The following PCM1 variants were observed in gnomAD, a reference collection of about 807,000 sequenced individuals.
The protein encoded by PCM1 is pericentriolar material 1.
PCM1 carries 157 observed loss-of-function variants against 241.9 expected under a neutral mutation model. That is an observed-to-expected ratio of 0.65 (90% CI 0.57 to 0.74). PCM1 has a LOEUF of 0.74. Among genes scored for constraint, PCM1 ranks in the 30% least tolerant of loss-of-function variants. PCM1 has a pLI of 0.00. For synonymous variants in PCM1, 1,085 were observed against 784.9 expected, an observed-to-expected ratio of 1.38 and a Z score of -6.39; for missense variants, 3,478 against 2,360.1, an observed-to-expected ratio of 1.47 and a Z score of -9.81.
chr8:18,023,481 C>G (rs534250910), intron 36 of PCM1, among the ~76,000 whole-genome samples: 3 of 152,276 alleles, frequency 2.0e-5, no homozygotes, highest in South Asian at 4.1e-4. Context: ...GCAATACAAT[C>G]TGAGATGAGT....
At chr8:18,012,638 A>G (rs2092670941) in intron 34 of PCM1, among the ~76,000 whole-genome samples, 1 of 151,940 alleles carries the variant, frequency 6.6e-6, no homozygotes, top group Non-Finnish European at 1.5e-5. Context: ...GTCTTTTTTC[A>G]TTATTTGCAG....
chr8:17,935,087 A>G lies in PCM1; in HGVS notation c.-22-502A>G, dbSNP rs571480150. On this transcript the variant is annotated intron_variant, in intron 2 of 38. Coordinates refer to ENST00000325083, the MANE Select transcript of PCM1 (RefSeq NM_006197.4). ...TTCCCTACCTTCTTATCATCTTGCT[A>G]TTGTACCTTCCTGTTAAAACCAAAA... 4.6e-5 allele frequency among the ~76,000 whole-genome samples: 7 copies of G among 152,246 alleles called. 1 individual carries two copies. The highest frequency in any genetic ancestry group is 2.0e-4 in the Admixed American group (3 of 15,292).
At chr8:18,021,000 T>C (rs2129487935) in intron 36 of PCM1, among the ~76,000 whole-genome samples, 1 of 152,338 alleles carries the variant, frequency 6.6e-6, no homozygotes, top group Middle Eastern at 3.4e-3. Flanking sequence ...GAAATGCATG[T>C]GTGGACTTTT....
chr8:18,013,746 TACTG>T, intron 34 of PCM1: 1 of 486,980 alleles, frequency 2.1e-6, no homozygotes. Context: ...AGTTGTATTA[TACTG>T]TGTGTGTGTG....
chr8:18,029,766 A>C lies in PCM1; in HGVS notation c.*2104A>C, dbSNP rs937096138. The C allele has an allele frequency of 5.1e-6, 1 of 195,438 alleles. No individual in the cohort carries two copies. The highest frequency in any genetic ancestry group is 1.9e-4 in the South Asian group (1 of 5,194). The allele number at this position is 195,438 out of a possible 1,614,324, so 12.1% of individuals were successfully genotyped here. A position where few individuals can be genotyped will look rare whatever the true frequency, so the allele number is the denominator to read the frequency against. On this transcript the variant is annotated 3_prime_UTR_variant, in exon 39 of 39. Transcript: ENST00000325083. ...TATTTGTCCTAATTTTGAAGTTAAA[A>C]ATTTTGGTTACAGATAGATAGAGGG...
chr8:17,950,366 C>T (rs774562283), intron 7 of PCM1, among the ~76,000 whole-genome samples: 3 of 152,220 alleles, frequency 2.0e-5, no homozygotes, highest in Admixed American at 6.5e-5. Flanking sequence ...TAATAGTAAC[C>T]CTCCTTGTAT....
chr8:17,967,867 G>GT (rs1200729023), intron 21 of PCM1, among the ~76,000 whole-genome samples: 1 of 152,046 alleles, frequency 6.6e-6, no homozygotes, highest in Non-Finnish European at 1.5e-5. Context: ...TCTTTGGATG[G>GT]TTTTTTCTGC....
intron 16 of PCM1, 48 bp downstream of exon 16, chr8:17,962,222 CT>C (rs548365642): frequency 1.0e-4 from 142 of 1,408,572 alleles, no homozygotes; most frequent in South Asian, 3.2e-4. Flanking sequence ...TTTTGTTTTC[CT>C]TTTTTTTTCT....
Position 17,955,673 on chromosome 8 carries a change from T to G in PCM1, c.1472+20T>G. Reference sequence around the variant, plus strand: ...ACTCCAGTAAAACATTTATAATCATTGTTTACATGAAGTTAAATAATAGGG... The same window carrying G: ...ACTCCAGTAAAACATTTATAATCATGGTTTACATGAAGTTAAATAATAGGG... On this transcript the variant is annotated intron_variant, in intron 10 of 38. Transcript: ENST00000325083. The G allele has an allele frequency of 6.3e-7, 1 of 1,581,834 alleles. No homozygotes were observed. The highest frequency in any genetic ancestry group is 1.3e-5 in the African/African-American group (1 of 74,388).
chr8:18,027,382 A>G lies in PCM1; in HGVS notation c.6050-255A>G, dbSNP rs116360913. ...TGTTGGTGTAGATTTATTCTATTCT[A>G]TAGTTGTTTTCTTTTCATAGTGGAG... On this transcript the variant is annotated intron_variant, in intron 38 of 38. Coordinates refer to ENST00000325083, the MANE Select transcript of PCM1 (RefSeq NM_006197.4). 7.8e-3 allele frequency among the ~76,000 whole-genome samples: 1,186 copies of G among 151,812 alleles called. 10 individuals carry two copies. The highest frequency in any genetic ancestry group is 0.027 in the African/African-American group (1,136 of 41,338).
At chr8:17,964,256 C>T (rs1254953574) in intron 17 of PCM1, among the ~76,000 whole-genome samples, 1 of 152,120 alleles carries the variant, frequency 6.6e-6, no homozygotes, top group Non-Finnish European at 1.5e-5. Context: ...GAAAGTTCTG[C>T]TGAACTGCAC....
intron 26 of PCM1, among the ~76,000 whole-genome samples, chr8:17,988,951 G>C (rs1320280039): frequency 1.3e-5 from 2 of 151,858 alleles, no homozygotes; most frequent in Non-Finnish European, 2.9e-5. Flanking sequence ...TTCTCTTCTA[G>C]GTATTCATCC....
intron 21 of PCM1, 53 bp from the exon 22 acceptor site, chr8:17,969,524 A>G: frequency 7.8e-7 from 1 of 1,285,490 alleles, no homozygotes; most frequent in Non-Finnish European, 1.1e-6. Context: ...ATTTCATTTT[A>G]AAGCTAAAGA....
chr8:17,995,259 C>A (rs1332781477), intron 29 of PCM1, among the ~76,000 whole-genome samples: 1 of 151,310 alleles, frequency 6.6e-6, no homozygotes, highest in Non-Finnish European at 1.5e-5. Flanking sequence ...ATCCAGTTAC[C>A]CCAGCACCAT....
chr8:17,973,244 C>T (rs2077444953), intron 23 of PCM1, among the ~76,000 whole-genome samples: 1 of 152,148 alleles, frequency 6.6e-6, no homozygotes, highest in Non-Finnish European at 1.5e-5. Context: ...TGGTGTTAGT[C>T]ATACCTCTTA....
At chr8:18,020,414 T>C (rs1001791300) in intron 36 of PCM1, among the ~76,000 whole-genome samples, 5 of 152,204 alleles carry the variant, frequency 3.3e-5, no homozygotes, top group Non-Finnish European at 5.9e-5. Flanking sequence ...CATGTCTTAA[T>C]AAGTAGACTA....
chr8:17,991,504 T>G (rs1324069163), intron 27 of PCM1, 38 bp from the exon 28 acceptor site: 1 of 1,533,730 alleles, frequency 6.5e-7, no homozygotes, highest in Admixed American at 2.1e-5. Flanking sequence ...AAAAGTTCAC[T>G]TTTACATACT....
intron 34 of PCM1, among the ~76,000 whole-genome samples, chr8:18,013,152 G>C (rs2092726864): frequency 6.6e-6 from 1 of 152,158 alleles, no homozygotes; most frequent in Non-Finnish European, 1.5e-5. Context: ...GTCCTTCACT[G>C]TCGTCCTGCC....
intron 29 of PCM1, among the ~76,000 whole-genome samples, chr8:17,998,272 T>G (rs983822798): frequency 6.6e-6 from 1 of 152,084 alleles, no homozygotes; most frequent in Non-Finnish European, 1.5e-5. Flanking sequence ...GTCTGGGCAT[T>G]GAAGAGTTAT....
Sources: allele counts gnomAD v4.1 joint callset (sites outside exome capture counted in the v4.1 genomes callset), GRCh38; gene constraint gnomAD v4.1.1; transcripts MANE v1.5; gene names NCBI Gene and HGNC (gene_info 2026-07-23, HGNC 2026-07-21).